Variants in SLC9C2 observed in about 807,000 individuals in gnomAD.
SLC9C2 encodes the protein solute carrier family 9 member C2 (putative).
In SLC9C2, 75 loss-of-function variants were observed where a neutral mutation model predicts 140.2. The ratio of observed to expected loss-of-function variants is 0.53; its 90% CI spans 0.44 to 0.65. SLC9C2 has a LOEUF of 0.65. Among genes scored for constraint, SLC9C2 ranks in the 30% least tolerant of loss-of-function variants. The pLI, the probability that SLC9C2 is intolerant of heterozygous loss-of-function variation, is 0.00. For synonymous variants in SLC9C2, 375 were observed against 420.9 expected (o/e 0.89, Z 1.34); for missense variants, 1,074 against 1,331.8 (o/e 0.81, Z 3.01).
intron 22 of SLC9C2, among the ~76,000 whole-genome samples, chr1:173,519,684 C>G (rs1029215023): frequency 6.6e-6 from 1 of 152,172 alleles, no homozygotes; most frequent in African/African-American, 2.4e-5. Flanking sequence ...TTCATAAATA[C>G]TGGCAGCAGT....
intron 23 of SLC9C2, among the ~76,000 whole-genome samples, chr1:173,516,715 T>C (rs1660447793): frequency 6.6e-6 from 1 of 152,234 alleles, no homozygotes; most frequent in South Asian, 2.1e-4. Context: ...CACTCTATCA[T>C]TGATGAGCAT....
Position 173,583,587 on chromosome 1 carries a change from C to G in SLC9C2, c.559G>C (p.Glu187Gln). 3 of 1,608,854 alleles carry G rather than the reference C, an allele frequency of 1.9e-6. No individual in the cohort carries two copies. The South Asian group carries it at 3.3e-5, about 18-fold the overall frequency. Reference protein sequence around the residue: ...SKIYIDLIRGESLIICSIASI... With the variant: ...SKIYIDLIRGQSLIICSIASI... ...GCGATGCTACAAATGATCAATGATT[C>G]TCCTCTAATGAGATCAATGTATATT... Residue 187 changes from glutamate (E) to glutamine (Q), a missense_variant, in exon 6 of 28, where the codon GAA (glutamate) becomes CAA (glutamine). By Grantham distance (29) the Glu-to-Gln change is conservative (BLOSUM62 2). Transcript: ENST00000367714.
At position 173,561,107 on chromosome 1, in the gene SLC9C2, T is replaced by A. The variant is rs145169969; in HGVS notation, c.1047-3599A>T. Among the ~76,000 whole-genome samples the A allele has an allele frequency of 2.2e-3, 337 of 152,338 alleles. 4 individuals carry two copies. Among genetic ancestry groups the A allele is most frequent in the African/African-American group, 7.8e-3 (325 of 41,584 alleles). On this transcript the variant is annotated intron_variant, in intron 9 of 27. Transcript: ENST00000367714. ...CACCGTGCCCGGCCCCATACCACAT[T>A]TCTTAAGCCTCCCATATGAAGCTTA...
intron 23 of SLC9C2, among the ~76,000 whole-genome samples, chr1:173,515,627 TTTG>T (rs1417380829): frequency 6.6e-6 from 1 of 152,144 alleles, no homozygotes; most frequent in Non-Finnish European, 1.5e-5. Flanking sequence ...CTCAGCAGAG[TTTG>T]TTATTACCCA....
In SLC9C2 at chr1:173,500,495, T is replaced by C. The variant is rs1375048102; in HGVS notation, c.*599A>G. ...ACCATAAAACTCAACTTTATTTGAT[T>C]TTTAAAAATAAAATGAAAGGTGACA... On this transcript the variant is annotated 3_prime_UTR_variant, in exon 28 of 28. Coordinates refer to ENST00000367714, the MANE Select transcript of SLC9C2 (RefSeq NM_178527.4). The C allele has an allele frequency of 6.6e-6, 1 of 152,236 alleles. No individual in the cohort carries two copies. Among genetic ancestry groups the C allele is most frequent in the Non-Finnish European group, 1.5e-5 (1 of 68,040 alleles). The allele number at this position is 152,236 out of a possible 1,614,324, so 9.4% of individuals were successfully genotyped here.
At chr1:173,576,584 C>A in intron 8 of SLC9C2, 77 bp downstream of exon 8, 1 of 804,378 alleles carries the variant, frequency 1.2e-6, no homozygotes, top group Non-Finnish European at 2.0e-6. Flanking sequence ...AAGAGTTTTA[C>A]TAGTGTCCAT....
At chr1:173,539,790 C>A (rs1028643007) in intron 13 of SLC9C2, among the ~76,000 whole-genome samples, 1 of 152,054 alleles carries the variant, frequency 6.6e-6, no homozygotes, top group Non-Finnish European at 1.5e-5. Context: ...AGGAAGAATG[C>A]CAGAGTAGAA....
intron 26 of SLC9C2, among the ~76,000 whole-genome samples, chr1:173,504,698 C>T (rs964777078): frequency 3.3e-5 from 5 of 152,106 alleles, no homozygotes; most frequent in East Asian, 1.9e-4. Context: ...CTCTTCCTAT[C>T]AAGTCTTCTC....
At chr1:173,560,584 C>T (rs1158803474) in intron 9 of SLC9C2, among the ~76,000 whole-genome samples, 3 of 152,160 alleles carry the variant, frequency 2.0e-5, no homozygotes. Context: ...AGCTTGTCCC[C>T]TTGCCCAACT....
At chr1:173,559,086 C>T (rs1663916344) in intron 9 of SLC9C2, among the ~76,000 whole-genome samples, 2 of 152,170 alleles carry the variant, frequency 1.3e-5, no homozygotes, top group Admixed American at 1.3e-4. Context: ...TGTGCTAAAG[C>T]CATGTTTCTT....
At chr1:173,533,571 CCTG>C (rs764358194) in intron 17 of SLC9C2, 35 bp downstream of exon 17, 1 of 1,495,924 alleles carries the variant, frequency 6.7e-7, no homozygotes, top group Non-Finnish European at 9.1e-7. Context: ...AGCTACCACT[CCTG>C]GCAAATCTTA....
intron 18 of SLC9C2, among the ~76,000 whole-genome samples, chr1:173,526,927 C>G (rs200667025): frequency 6.6e-6 from 1 of 152,030 alleles, no homozygotes; most frequent in Non-Finnish European, 1.5e-5. Flanking sequence ...CTCACTGCAA[C>G]CTCCACTTCC....
Position 173,509,633 on chromosome 1 carries a change from T to C in SLC9C2, c.2974A>G (p.Lys992Glu). 1.3e-6 allele frequency: 2 copies of C among 1,598,022 alleles called. No homozygotes were observed. The highest frequency in any genetic ancestry group is 4.5e-5 in the East Asian group (2 of 44,508). Residue 992 changes from lysine (K) to glutamate (E), a missense_variant, in exon 24 of 28, where the codon AAA becomes GAA. By Grantham distance (56) the Lys-to-Glu change is moderately conservative. Transcript: ENST00000367714. ...FDAFWPSLEY[K>E]IWLKLALSTA... ...CTGAGAGCAAGCTTTAGCCATATTT[T>C]ATATTCCAGAGATGGCCAGAAGGCA...
intron 27 of SLC9C2, 28 bp downstream of exon 27, chr1:173,503,238 A>AT (rs1200988718): frequency 1.3e-6 from 2 of 1,594,012 alleles, no homozygotes; most frequent in Non-Finnish European, 1.7e-6. Flanking sequence ...ATAAGAAAAA[A>AT]TTCTAATCAA....
chr1:173,566,488 G>A (rs982906473), intron 9 of SLC9C2, among the ~76,000 whole-genome samples: 10 of 151,892 alleles, frequency 6.6e-5, no homozygotes, highest in African/African-American at 2.2e-4. Flanking sequence ...ATGGTAACCA[G>A]TAATGATCCT....
At chr1:173,563,677 C>T (rs1343481200) in intron 9 of SLC9C2, among the ~76,000 whole-genome samples, 1 of 152,098 alleles carries the variant, frequency 6.6e-6, no homozygotes, top group Non-Finnish European at 1.5e-5. Flanking sequence ...GGTATCTATG[C>T]CCTCAAGCAT....
At chr1:173,505,757 A>G (rs546485145) in intron 25 of SLC9C2, among the ~76,000 whole-genome samples, 2 of 152,322 alleles carry the variant, frequency 1.3e-5, no homozygotes, top group East Asian at 3.9e-4. Context: ...ACAAGTAATC[A>G]TTATAACTAT....
At chr1:173,575,651 A>G (rs1438302268) in intron 8 of SLC9C2, among the ~76,000 whole-genome samples, 4 of 152,066 alleles carry the variant, frequency 2.6e-5, no homozygotes, top group African/African-American at 9.7e-5. Context: ...AACTCGGCTC[A>G]CTGCAAGCTC....
chr1:173,577,165 A>G (rs570436173), intron 7 of SLC9C2, among the ~76,000 whole-genome samples: 3 of 152,348 alleles, frequency 2.0e-5, no homozygotes, highest in East Asian at 3.9e-4. Flanking sequence ...TTTAGCTAAC[A>G]GGCAGATTTG....
Sources: gnomAD v4.1 joint callset for allele counts (sites outside exome capture counted in the v4.1 genomes callset) on GRCh38, gnomAD v4.1.1 for gene constraint, MANE v1.5 for transcripts, NCBI Gene and HGNC (gene_info 2026-07-23, HGNC 2026-07-21) for gene names.